Variants in NUP205 observed in about 807,000 individuals in gnomAD.
NUP205 encodes the protein nucleoporin 205.
NUP205 carries 76 observed loss-of-function variants against 253.8 expected under a neutral mutation model. The observed-to-expected ratio is 0.30, with a 90% CI of 0.25 to 0.36. The LOEUF (loss-of-function observed/expected upper bound fraction) is 0.36, where lower values mean the gene tolerates loss of function less well. NUP205 is among the 10% of genes least tolerant of loss of function. The pLI is 1.00. For missense variants in NUP205, 2,162 were observed against 2,425.5 expected, an observed-to-expected ratio of 0.89 and a Z score of 2.28; for synonymous variants, 832 against 850.1, an observed-to-expected ratio of 0.98 and a Z score of 0.37.
intron 1 of NUP205, among the ~76,000 whole-genome samples, chr7:135,570,904 A>ATG (rs1168975867): frequency 8.0e-5 from 10 of 125,430 alleles, no homozygotes; most frequent in Non-Finnish European, 1.1e-4. Flanking sequence ...ATATATTTAT[A>ATG]TATAATATAT....
At chr7:135,603,891 G>A (rs1015079033) in intron 18 of NUP205, among the ~76,000 whole-genome samples, 1 of 152,160 alleles carries the variant, frequency 6.6e-6, no homozygotes, top group Admixed American at 6.5e-5. Context: ...TGGAAAGGAA[G>A]CAGACTTTTC....
intron 30 of NUP205, among the ~76,000 whole-genome samples, 191 bp downstream of exon 30, chr7:135,620,079 G>T (rs1794444970): frequency 6.6e-6 from 1 of 152,174 alleles, no homozygotes; most frequent in South Asian, 2.1e-4. Flanking sequence ...TAGTACATGA[G>T]TACTACTTTT....
rs1360566484 is a variant in NUP205, at chr7:135,606,811, ATCT to A, written c.2970_2972del (p.Leu991del). ...CATGAAACAAGAATCCACATCTTGA[ATCT>A]TCTCATTACCTCTCTGGAATGCAAT... On this transcript the variant is annotated inframe_deletion, in exon 21 of 43. Coordinates refer to ENST00000285968, the MANE Select transcript of NUP205 (RefSeq NM_015135.3). 1 of 1,613,618 alleles carries A rather than the reference ATCT, an allele frequency of 6.2e-7. No individual in the cohort carries two copies. Among genetic ancestry groups the A allele is most frequent in the Non-Finnish European group, 8.5e-7 (1 of 1,179,654 alleles).
chr7:135,590,074 A>T (rs1184920308), intron 10 of NUP205, among the ~76,000 whole-genome samples: 1 of 150,936 alleles, frequency 6.6e-6, no homozygotes, highest in Non-Finnish European at 1.5e-5. Context: ...ACATCTTATG[A>T]TGTTTGCTTC....
chr7:135,596,394 G>T (rs902297457), intron 13 of NUP205, among the ~76,000 whole-genome samples: 1 of 152,192 alleles, frequency 6.6e-6, no homozygotes, highest in Non-Finnish European at 1.5e-5. Context: ...ATTCCTGAGC[G>T]TACCAATACT....
chr7:135,583,134 A>G (rs1806355079), intron 7 of NUP205, among the ~76,000 whole-genome samples: 1 of 151,918 alleles, frequency 6.6e-6, no homozygotes, highest in Non-Finnish European at 1.5e-5. Context: ...ACTACAAATC[A>G]TATGTTTTCC....
rs11300648 is a variant in NUP205 at position 135,603,112 on chromosome 7, C to CT, written c.2702+139dup. On this transcript the variant is annotated intron_variant, in intron 18 of 42. Transcript: ENST00000285968. ...TTTTTTTTATTTTTGCCTCATTTTACTTTTTTTTTTTTTTTTTTTTTGAGA... is the reference window on the plus strand; with the variant it reads ...TTTTTTTTATTTTTGCCTCATTTTACTTTTTTTTTTTTTTTTTTTTTTGAGA... 8.6e-3 allele frequency: 2,849 copies of CT among 330,630 alleles called. 1 individual carries two copies. The highest frequency in any genetic ancestry group is 0.013 in the Middle Eastern group (17 of 1,344). 20.5% of individuals were successfully genotyped at this position (330,630 alleles called of 1,614,324 possible).
chr7:135,620,307 G>T (rs529823179), intron 30 of NUP205, among the ~76,000 whole-genome samples: 14 of 152,222 alleles, frequency 9.2e-5, no homozygotes, highest in African/African-American at 3.4e-4. Flanking sequence ...GCCGAGGCCT[G>T]TGGATCACCT....
In NUP205 at chr7:135,571,167, A is replaced by G. The variant is rs1805986719; in HGVS notation, c.91A>G (p.Arg31Gly). ...WHKVGNALWR[R>G]QPEAVHLLDK... ...TAAAGTGGGAAATGCTCTTTGGAGAAGACAACCTGAAGCTGTTCACCTTCT... is the reference window on the plus strand; with the variant it reads ...TAAAGTGGGAAATGCTCTTTGGAGAGGACAACCTGAAGCTGTTCACCTTCT... Residue 31 changes from arginine to glycine, a missense_variant, in exon 2 of 43, where the codon AGA becomes GGA. By Grantham distance (125) the Arg-to-Gly change is moderately radical (BLOSUM62 -2). Around this residue, in one of 5 missense-constraint regions of NUP205, gnomAD observed 109 missense variants for 131.8 expected, o/e 0.83. Transcript: ENST00000285968. 2 of 1,538,232 alleles carry G rather than the reference A, an allele frequency of 1.3e-6. No individual in the cohort carries two copies.
At chr7:135,564,084 CT>C (rs1805673600) in intron 1 of NUP205, among the ~76,000 whole-genome samples, 1 of 147,734 alleles carries the variant, frequency 6.8e-6, no homozygotes, top group South Asian at 2.1e-4. Context: ...TTTTTTTTTT[CT>C]TTTTCTTCTT....
chr7:135,607,520 C>A, intron 22 of NUP205, 149 bp downstream of exon 22: 2 of 853,018 alleles, frequency 2.3e-6, no homozygotes, highest in Non-Finnish European at 3.4e-6. Flanking sequence ...TGGATAAAAT[C>A]CGTAAAGCAC....
Position 135,625,212 on chromosome 7 carries a change from C to T in NUP205, c.4528C>T (p.Gln1510Ter). The change falls in exon 32 of 43, where the codon CAG (glutamine) becomes TAG (stop). Residue 1510 changes from glutamine to a stop codon, truncating the protein, a stop_gained. Transcript: ENST00000285968. LOFTEE classifies it high-confidence loss of function. The stretch of plus-strand genomic sequence containing the variant: ...TAGAATTGTCTCCGTGGATAAACAG[C>T]AGCAGTGGCTTTTGTATCTTTCTAA... Reference protein sequence around the residue: ...LDRIVSVDKQQQWLLYLSNSG... With the variant: ...LDRIVSVDKQ 6.2e-7 allele frequency: 1 copy of T among 1,613,778 alleles called. No individual in the cohort carries two copies. The highest frequency in any genetic ancestry group is 8.5e-7 in the Non-Finnish European group (1 of 1,179,924).
chr7:135,619,445 A>T lies in NUP205; in HGVS notation c.3986A>T (p.Gln1329Leu). Residue 1329 changes from glutamine (Q) to leucine (L), a missense_variant, in exon 29 of 43, where the codon CAA (glutamine) becomes CTA (leucine). By Grantham distance (113) the Gln-to-Leu change is moderately radical. This residue lies in a region of NUP205 where 1,144 missense variants were observed against 1,280.9 expected (regional missense o/e 0.89). Transcript: ENST00000285968. ...HDKILDDEAA[Q>L]ELMPVVAGAV... is the part of the protein sequence containing the mutation. ...AAGATACTGGATGATGAAGCTGCGCAAGAGTTAATGCCTGTGGTCGCCGGG... is the reference window on the plus strand; with the variant it reads ...AAGATACTGGATGATGAAGCTGCGCTAGAGTTAATGCCTGTGGTCGCCGGG... 1.2e-6 allele frequency: 2 copies of T among 1,613,050 alleles called. No homozygotes were observed. Among genetic ancestry groups the T allele is most frequent in the Non-Finnish European group, 1.7e-6 (2 of 1,180,014 alleles).
chr7:135,560,612 C>T (rs756241706), intron 1 of NUP205, among the ~76,000 whole-genome samples: 5 of 152,060 alleles, frequency 3.3e-5, no homozygotes, highest in Non-Finnish European at 7.4e-5. Flanking sequence ...CATAACATAA[C>T]GTATACATGC....
At position 135,644,804 on chromosome 7, in the gene NUP205, G is replaced by A. The variant is rs1794976259; in HGVS notation, c.5560-91G>A. Reference sequence around the variant, plus strand: ...TGTTTAAATTTGAGTGTTTTTCATAGCATTTATCATGGTGACCTGCTGATA... The same window carrying A: ...TGTTTAAATTTGAGTGTTTTTCATAACATTTATCATGGTGACCTGCTGATA... On this transcript the variant is annotated intron_variant, in intron 39 of 42. Coordinates refer to ENST00000285968, the MANE Select transcript of NUP205 (RefSeq NM_015135.3). 3.3e-6 allele frequency: 4 copies of A among 1,216,690 alleles called. No homozygotes were observed. In the South Asian group the frequency reaches 4.2e-5, roughly 13 times the overall value. 75.4% of individuals were successfully genotyped at this position (1,216,690 alleles called of 1,614,324 possible).
rs774862077 is a variant in NUP205 at position 135,577,928 on chromosome 7, A to G, written c.781A>G (p.Asn261Asp). The G allele has an allele frequency of 5.0e-6, 8 of 1,613,984 alleles. No homozygotes were observed. Among genetic ancestry groups the G allele is most frequent in the Non-Finnish European group, 6.8e-6 (8 of 1,179,862 alleles). Residue 261 changes from asparagine (N) to aspartate (D), a missense_variant, in exon 6 of 43, where the codon AAT becomes GAT. Transcript: ENST00000285968. The part of the protein sequence containing the change: ...GHLERVTVEA[N>D]GSLDAVNLAL... ...TTTGGAAAGAGTGACAGTTGAGGCTAATGGCTCACTGGATGCAGTGAATCT... is the reference window on the plus strand; with the variant it reads ...TTTGGAAAGAGTGACAGTTGAGGCTGATGGCTCACTGGATGCAGTGAATCT...
At chr7:135,610,430 G>T (rs1291586095) in intron 22 of NUP205, among the ~76,000 whole-genome samples, 2 of 152,192 alleles carry the variant, frequency 1.3e-5, no homozygotes, top group Admixed American at 1.3e-4. Flanking sequence ...ATGTTGTCCA[G>T]GCTGGTCTCA....
intron 1 of NUP205, among the ~76,000 whole-genome samples, chr7:135,565,488 A>G (rs995400795): frequency 6.7e-6 from 1 of 150,348 alleles, no homozygotes; most frequent in Non-Finnish European, 1.5e-5. Context: ...GCTGGAGTGC[A>G]ATGGTGTGAT....
At chr7:135,615,851 A>T (rs972542168) in intron 23 of NUP205, 65 bp from the exon 24 acceptor site, 1 of 1,064,756 alleles carries the variant, frequency 9.4e-7, no homozygotes, top group African/African-American at 1.6e-5. Flanking sequence ...GAGTTACAGA[A>T]TTTAAGTCTG....
Sources: gnomAD v4.1 joint callset for allele counts (sites outside exome capture counted in the v4.1 genomes callset) on GRCh38, gnomAD v4.1.1 for gene constraint, gnomAD v4.1.1 regional missense constraint, MANE v1.5 for transcripts, NCBI Gene and HGNC (gene_info 2026-07-23, HGNC 2026-07-21) for gene names.